ADAMTS9: variants seen among roughly 807,000 people sequenced by gnomAD.
ADAMTS9 encodes ADAM metallopeptidase with thrombospondin type 1 motif 9.
In ADAMTS9, 107 loss-of-function variants were observed where a neutral mutation model predicts 257.1. The ratio of observed to expected loss-of-function variants is 0.42; its 90% CI spans 0.36 to 0.49. The LOEUF is 0.49. Ranked by LOEUF, ADAMTS9 falls within the 20% of genes least tolerant of loss-of-function variation. The pLI, the probability that ADAMTS9 is intolerant of heterozygous loss-of-function variation, is 0.03. For missense variants in ADAMTS9, 2,353 were observed against 2,469.1 expected, an observed-to-expected ratio of 0.95 and a Z score of 1.00; for synonymous variants, 982 against 880.9, an observed-to-expected ratio of 1.11 and a Z score of -2.03.
At chr3:64,656,831 A>G (rs1049524508) in intron 4 of ADAMTS9, among the ~76,000 whole-genome samples, 1 of 152,042 alleles carries the variant, frequency 6.6e-6, no homozygotes, top group African/African-American at 2.4e-5. Flanking sequence ...CAAAAAGGCA[A>G]GGAGTACCAT....
At chr3:64,518,635 A>C (rs1303665626) in intron 39 of ADAMTS9, among the ~76,000 whole-genome samples, 5 of 152,080 alleles carry the variant, frequency 3.3e-5, no homozygotes, top group Non-Finnish European at 7.4e-5. Flanking sequence ...TTCCTAGGTA[A>C]AGCTGATCGA....
chr3:64,606,783 C>G (rs1033179990), intron 23 of ADAMTS9, among the ~76,000 whole-genome samples, 177 bp downstream of exon 23: 2 of 152,188 alleles, frequency 1.3e-5, no homozygotes, highest in African/African-American at 4.8e-5. Flanking sequence ...AAGAACAAAA[C>G]TGACACAAGA....
intron 12 of ADAMTS9, 135 bp from the exon 13 acceptor site, chr3:64,634,014 A>G (rs1042858628): frequency 1.7e-5 from 13 of 784,350 alleles, no homozygotes; most frequent in Non-Finnish European, 2.6e-5. Context: ...AATGGGCAAG[A>G]GCTCTGATCC....
At chr3:64,613,575 T>A in intron 21 of ADAMTS9, 66 bp from the exon 22 acceptor site, 1 of 1,508,042 alleles carries the variant, frequency 6.6e-7, no homozygotes, top group Middle Eastern at 2.3e-4. Flanking sequence ...CTGGGGTTAT[T>A]TATTGATGAG....
chr3:64,626,557 A>G (rs1700226594), intron 16 of ADAMTS9, among the ~76,000 whole-genome samples: 2 of 152,184 alleles, frequency 1.3e-5, no homozygotes, highest in African/African-American at 4.8e-5. Context: ...GGATAAAAGG[A>G]GGATAAGGGT....
intron 28 of ADAMTS9, among the ~76,000 whole-genome samples, chr3:64,577,487 G>C (rs150194178): frequency 3.5e-4 from 53 of 152,334 alleles, no homozygotes; most frequent in Non-Finnish European, 5.1e-4. Flanking sequence ...CCGTCTGGAA[G>C]ACAGGGAGGG....
chr3:64,649,773 C>G lies in ADAMTS9; in HGVS notation c.1469G>C (p.Gly490Ala). ...RKYITEFLDT[G>A]YGECLLNEPE... is the part of the protein sequence containing the mutation. ...TTCGTTAAGCAAACACTCGCCATAA[C>G]CAGTGCTACGGAAACACACAGAAAC... The change falls in exon 10 of 40, where the codon GGT becomes GCT. Residue 490 changes from glycine to alanine, a missense_variant. Physicochemically the swap from Gly to Ala is moderately conservative, Grantham distance 60 (BLOSUM62 0). This residue lies in a region of ADAMTS9 where 360 missense variants were observed against 458.1 expected (regional missense o/e 0.79). Coordinates refer to ENST00000498707, the MANE Select transcript of ADAMTS9 (RefSeq NM_182920.2). 1 of 1,613,186 alleles carries G rather than the reference C, an allele frequency of 6.2e-7. No individual in the cohort carries two copies. The highest frequency in any genetic ancestry group is 8.5e-7 in the Non-Finnish European group (1 of 1,179,596).
intron 12 of ADAMTS9, among the ~76,000 whole-genome samples, chr3:64,639,009 C>T (rs1257517024): frequency 6.6e-6 from 1 of 152,162 alleles, no homozygotes; most frequent in Non-Finnish European, 1.5e-5. Context: ...GCAGCTGTTC[C>T]CCTCAAACTC....
At chr3:64,596,541 CT>C (rs766088833) in intron 27 of ADAMTS9, among the ~76,000 whole-genome samples, 2 of 152,148 alleles carry the variant, frequency 1.3e-5, no homozygotes, top group Non-Finnish European at 2.9e-5. Context: ...TTTTCAATCA[CT>C]TTAAAAGCAT....
At chr3:64,570,693 CTCAA>C (rs2083659755) in intron 28 of ADAMTS9, among the ~76,000 whole-genome samples, 13 of 59,284 alleles carry the variant, frequency 2.2e-4, no homozygotes, top group African/African-American at 8.7e-4. Flanking sequence ...AAGACTCCGT[CTCAA>C]AAAAAAAAAA....
chr3:64,555,548 C>T (rs1238811389), intron 30 of ADAMTS9, among the ~76,000 whole-genome samples: 2 of 152,136 alleles, frequency 1.3e-5, no homozygotes, highest in Non-Finnish European at 2.9e-5. Context: ...TGACTGGTGA[C>T]CCCTGGGGTT....
intron 16 of ADAMTS9, among the ~76,000 whole-genome samples, chr3:64,626,812 G>A (rs528333602): frequency 1.3e-4 from 20 of 152,292 alleles, no homozygotes; most frequent in Admixed American, 8.5e-4. Context: ...TGACAAGGAG[G>A]ATAGAGTGCT....
At chr3:64,655,307 T>C (rs557488739) in intron 6 of ADAMTS9, among the ~76,000 whole-genome samples, 64 of 152,328 alleles carry the variant, frequency 4.2e-4, no homozygotes, top group Non-Finnish European at 7.5e-4. Context: ...AAGGTGATTC[T>C]GCCCTCCCCA....
chr3:64,587,303 T>C (rs1449211770), intron 28 of ADAMTS9: 1 of 152,224 alleles, frequency 6.6e-6, no homozygotes, highest in Non-Finnish European at 1.5e-5. Flanking sequence ...GGGAACCCCT[T>C]ACATGTGGAA....
chr3:64,544,362 C>G (rs1485036780), intron 32 of ADAMTS9, among the ~76,000 whole-genome samples: 1 of 152,184 alleles, frequency 6.6e-6, no homozygotes, highest in Non-Finnish European at 1.5e-5. Flanking sequence ...TGACTTCACA[C>G]TATACTACAG....
rs577543325 is a variant in ADAMTS9, at chr3:64,634,829, T to C, written c.1857-950A>G. Among the ~76,000 whole-genome samples, 32 of 152,180 alleles carry C rather than the reference T, an allele frequency of 2.1e-4. 1 individual carries two copies. The highest frequency in any genetic ancestry group is 4.0e-4 in the Non-Finnish European group (27 of 68,036). On this transcript the variant is annotated intron_variant, in intron 12 of 39. Transcript: ENST00000498707. The stretch of plus-strand genomic sequence containing the variant: ...GAATCTTTCAGAGTAATCTGGACTA[T>C]AAAAAATGGGTTTTTGGCTGCTTTG...
At chr3:64,585,839 G>A (rs2084134632) in intron 28 of ADAMTS9, among the ~76,000 whole-genome samples, 1 of 151,950 alleles carries the variant, frequency 6.6e-6, no homozygotes, top group African/African-American at 2.4e-5. Flanking sequence ...CTTTTACTTG[G>A]TTTGAGACAA....
At chr3:64,630,353 C>A (rs1289731876) in intron 16 of ADAMTS9, among the ~76,000 whole-genome samples, 1 of 152,134 alleles carries the variant, frequency 6.6e-6, no homozygotes, top group Non-Finnish European at 1.5e-5. Context: ...CGCTTGAGGC[C>A]AGGAGTTCAA....
Position 64,613,416 on chromosome 3 carries a change from TC to T in ADAMTS9, c.3282del (p.Thr1095ProfsTer35). ...CAAGTCTGCATAGATGTTGGCTTGG[TC>T]TCAGGGTCACACATTCTATCATTTA... is the stretch of plus-strand genomic sequence containing the variant. The part of the protein sequence containing the change: ...DRLNDRMCDP[E>X]TKPTSMQTCQ... On this transcript the variant is annotated frameshift_variant, in exon 22 of 40. Transcript: ENST00000498707. LOFTEE classifies it high-confidence loss of function. The T allele has an allele frequency of 6.2e-7, 1 of 1,614,040 alleles. No homozygotes were observed. The highest frequency in any genetic ancestry group is 8.5e-7 in the Non-Finnish European group (1 of 1,179,922).
Sources: allele counts gnomAD v4.1 joint callset (sites outside exome capture counted in the v4.1 genomes callset), GRCh38; gene constraint gnomAD v4.1.1; regional missense constraint gnomAD v4.1.1; transcripts MANE v1.5; gene names NCBI Gene and HGNC (gene_info 2026-07-23, HGNC 2026-07-21).